Variants in POPDC1 observed in about 807,000 individuals in gnomAD.
POPDC1 encodes popeye domain-containing protein 1.
chr6:105,097,057 A>C, the POPDC1 span: 1 of 152,624 alleles, frequency 6.6e-6, no homozygotes, highest in Non-Finnish European at 1.5e-5. Flanking sequence ...TAGTACTTAA[A>C]AGCAGGTTTC....
the POPDC1 span, among the ~76,000 whole-genome samples, chr6:105,124,036 C>T: frequency 6.6e-6 from 1 of 152,026 alleles, no homozygotes; most frequent in Non-Finnish European, 1.5e-5. Context: ...CTAGAAATAA[C>T]ATTATGACAA....
At chr6:105,110,615 C>G in the POPDC1 span, among the ~76,000 whole-genome samples, 1 of 152,160 alleles carries the variant, frequency 6.6e-6, no homozygotes, top group Non-Finnish European at 1.5e-5. Context: ...TACTGGTAGT[C>G]TTTTCAGACT....
the POPDC1 span, among the ~76,000 whole-genome samples, chr6:105,127,488 T>G: frequency 6.6e-6 from 1 of 152,202 alleles, no homozygotes; most frequent in Admixed American, 6.5e-5. Flanking sequence ...GAGCTCGCTC[T>G]GTTGCCTGTG....
At chr6:105,129,362 T>A in the POPDC1 span, 2 of 1,582,610 alleles carry the variant, frequency 1.3e-6, no homozygotes, top group Non-Finnish European at 1.7e-6. Context: ...TCCTTATTAA[T>A]TAATTTTAAT....
At chr6:105,107,710 C>T in the POPDC1 span, among the ~76,000 whole-genome samples, 1 of 152,078 alleles carries the variant, frequency 6.6e-6, no homozygotes, top group African/African-American at 2.4e-5. Context: ...AACCATCTGG[C>T]CAACTGCTTT....
the POPDC1 span, chr6:105,136,985 G>T: frequency 6.6e-6 from 1 of 152,210 alleles, no homozygotes; most frequent in African/African-American, 2.4e-5. Flanking sequence ...GGTCCCTGGC[G>T]GGGAGCCTGG....
At chr6:105,103,254 C>A in the POPDC1 span, among the ~76,000 whole-genome samples, 47 of 152,276 alleles carry the variant, frequency 3.1e-4, no homozygotes, top group Middle Eastern at 3.4e-3. Flanking sequence ...GTTATTAGAT[C>A]AGTGCCTGGG....
the POPDC1 span, chr6:105,115,786 C>G: frequency 2.5e-6 from 4 of 1,614,086 alleles, no homozygotes; most frequent in East Asian, 2.2e-5. Flanking sequence ...ACATGGAGAT[C>G]TGTGTGCAGA....
At chr6:105,115,612 C>G in the POPDC1 span, 4 of 1,523,904 alleles carry the variant, frequency 2.6e-6, no homozygotes, top group Non-Finnish European at 3.5e-6. Flanking sequence ...TTTTTCTAAT[C>G]AAAGTTGTCA....
At chr6:105,111,258 A>G in the POPDC1 span, among the ~76,000 whole-genome samples, 3,976 of 152,268 alleles carry the variant, frequency 0.026, 161 homozygotes, top group African/African-American at 0.092. Flanking sequence ...AAGGAAACAT[A>G]TGTCTTCCTG....
chr6:105,129,248 A>C, the POPDC1 span: 1 of 788,464 alleles, frequency 1.3e-6, no homozygotes, highest in African/African-American at 1.8e-5. Flanking sequence ...TGTAAACAGA[A>C]AGCCTAAACT....
At chr6:105,107,824 AG>A in the POPDC1 span, among the ~76,000 whole-genome samples, 6 of 152,190 alleles carry the variant, frequency 3.9e-5, no homozygotes, top group Non-Finnish European at 8.8e-5. Flanking sequence ...TTTCCTGGAA[AG>A]AATTCTTTTC....
At chr6:105,125,386 C>G in the POPDC1 span, 1 of 1,614,064 alleles carries the variant, frequency 6.2e-7, no homozygotes, top group Non-Finnish European at 8.5e-7. Flanking sequence ...CCACAGAACA[C>G]TTACTTTCCC....
the POPDC1 span, among the ~76,000 whole-genome samples, chr6:105,112,814 G>A: frequency 6.6e-6 from 1 of 151,992 alleles, no homozygotes. Context: ...CATAGCTGTC[G>A]GTTCAAATGC....
At chr6:105,126,568 T>C in the POPDC1 span, among the ~76,000 whole-genome samples, 2 of 152,242 alleles carry the variant, frequency 1.3e-5, no homozygotes, top group African/African-American at 2.4e-5. Flanking sequence ...ACAACATTCA[T>C]CTTCCCAATC....
the POPDC1 span, chr6:105,136,961 A>T: frequency 6.6e-6 from 1 of 152,228 alleles, no homozygotes; most frequent in Non-Finnish European, 1.5e-5. Flanking sequence ...TGCGCCTCCC[A>T]TCCTTACCCG....
the POPDC1 span, among the ~76,000 whole-genome samples, chr6:105,128,501 G>GA: frequency 6.6e-6 from 1 of 151,904 alleles, no homozygotes; most frequent in Admixed American, 6.6e-5. Flanking sequence ...AGGTGGGTGA[G>GA]AAAAAAAGCC....
the POPDC1 span, among the ~76,000 whole-genome samples, chr6:105,115,218 C>A: frequency 6.6e-6 from 1 of 152,240 alleles, no homozygotes. Context: ...TCCCGAGTAG[C>A]CAGGACTACA....
the POPDC1 span, among the ~76,000 whole-genome samples, chr6:105,109,286 C>T: frequency 6.6e-6 from 1 of 152,108 alleles, no homozygotes; most frequent in Admixed American, 6.5e-5. Context: ...AAAATTAGTG[C>T]AGCAAGAAAA....
Sources: allele counts gnomAD v4.1 joint callset (sites outside exome capture counted in the v4.1 genomes callset), GRCh38; gene constraint gnomAD v4.1.1; transcripts MANE v1.5; gene names NCBI Gene and HGNC (gene_info 2026-07-23, HGNC 2026-07-21).